The following MGA variants were observed in gnomAD, a reference collection of about 807,000 sequenced individuals.
The protein encoded by MGA is MAX gene-associated protein.
MGA carries 40 observed loss-of-function variants against 261.1 expected under a neutral mutation model. The observed-to-expected ratio is 0.15, with a 90% CI of 0.12 to 0.20. The LOEUF (loss-of-function observed/expected upper bound fraction) is 0.20, where lower values mean the gene tolerates loss of function less well. Ranked by LOEUF, MGA falls within the 10% of genes least tolerant of loss-of-function variation. MGA has a pLI of 1.00. For synonymous variants in MGA, 1,302 were observed against 1,290.6 expected (o/e 1.01, Z -0.19); for missense variants, 3,397 against 3,630.5 (o/e 0.94, Z 1.65).
chr15:41,742,153 C>G (rs936773380), intron 14 of MGA, among the ~76,000 whole-genome samples: 1 of 151,420 alleles, frequency 6.6e-6, no homozygotes, highest in African/African-American at 2.4e-5. Context: ...TTGGGAGGCC[C>G]GAGGCAGGCA....
At position 41,750,274 on chromosome 15, in the gene MGA, GACTT is replaced by G; in HGVS notation, c.6672_6675del (p.Leu2225GlufsTer12). ...GTTTCAGCAAGAACAAGGCATCTCT[GACTT>G]ACTTGGAAAAAGTGGAATTACTGAA... is the stretch of plus-strand genomic sequence containing the variant. On this transcript the variant is annotated frameshift_variant, in exon 17 of 24. Coordinates refer to ENST00000219905, the MANE Select transcript of MGA (RefSeq NM_001164273.2). LOFTEE classifies it high-confidence loss of function. 6.2e-7 allele frequency: 1 copy of G among 1,613,960 alleles called. No homozygotes were observed. Among genetic ancestry groups the G allele is most frequent in the Non-Finnish European group, 8.5e-7 (1 of 1,179,892 alleles).
upstream of MGA, among the ~76,000 whole-genome samples, chr15:41,660,087 C>A (rs549025258): frequency 6.6e-6 from 1 of 152,374 alleles, no homozygotes; most frequent in East Asian, 1.9e-4. Flanking sequence ...GTGAAAGGCA[C>A]AGTTGAGAAA....
intron 17 of MGA, 95 bp downstream of exon 17, chr15:41,750,710 C>A: frequency 8.7e-7 from 1 of 1,144,958 alleles, no homozygotes; most frequent in South Asian, 1.7e-5. Context: ...AGGCATAATA[C>A]ATTTAATTGG....
At chr15:41,711,735 GC>G (rs1290091078) in intron 8 of MGA, among the ~76,000 whole-genome samples, 1 of 152,080 alleles carries the variant, frequency 6.6e-6, no homozygotes, top group Non-Finnish European at 1.5e-5. Flanking sequence ...TCGCTCTGTT[GC>G]CCAGGCTGGA....
chr15:41,763,948 A>G (rs2063647710), intron 22 of MGA, among the ~76,000 whole-genome samples: 1 of 152,002 alleles, frequency 6.6e-6, no homozygotes, highest in Non-Finnish European at 1.5e-5. Context: ...GCTTGCACTC[A>G]GGAATTTGAG....
intron 2 of MGA, among the ~76,000 whole-genome samples, chr15:41,685,637 CTTTAA>C (rs1350859597): frequency 6.6e-6 from 1 of 152,126 alleles, no homozygotes; most frequent in Admixed American, 6.6e-5. Context: ...TCTTTTCAGT[CTTTAA>C]TTAAACTTAT....
At chr15:41,763,712 C>T (rs1445543698) in intron 22 of MGA, among the ~76,000 whole-genome samples, 1 of 151,592 alleles carries the variant, frequency 6.6e-6, no homozygotes, top group Non-Finnish European at 1.5e-5. Context: ...CATTGCATTC[C>T]AGCCTGGGCA....
chr15:41,767,614 C>T lies in MGA; in HGVS notation c.*334C>T, dbSNP rs367587337. The T allele has an allele frequency of 7.1e-6, 2 of 282,910 alleles. No homozygotes were observed. Among genetic ancestry groups the T allele is most frequent in the East Asian group, 6.6e-5 (1 of 15,040 alleles). 17.5% of individuals were successfully genotyped at this position (282,910 alleles called of 1,614,324 possible). On this transcript the variant is annotated 3_prime_UTR_variant, in exon 24 of 24. Coordinates refer to ENST00000219905, the MANE Select transcript of MGA (RefSeq NM_001164273.2). The stretch of plus-strand genomic sequence containing the variant: ...CCACAGTGGTTTCTAGTTCTTCCCC[C>T]ACAAGCGAAAGAGCTGTTTGCAACT...
intron 1 of MGA, among the ~76,000 whole-genome samples, chr15:41,623,775 A>T (rs367697507): frequency 0.012 from 1,333 of 110,692 alleles, 29 homozygotes; most frequent in African/African-American, 0.04. Context: ...ATATATATAT[A>T]TTTTTTTTTT....
At position 41,769,891 on chromosome 15, in the gene MGA, A is replaced by C. The variant is rs2063959857; in HGVS notation, c.*2611A>C. The stretch of plus-strand genomic sequence containing the variant: ...TCTAAGAACAGAAGTTTGGTGATTG[A>C]AAGGTAGAATATATAAACCTGAAAT... On this transcript the variant is annotated 3_prime_UTR_variant, in exon 24 of 24. Transcript: ENST00000219905. 1 of 152,644 alleles carries C rather than the reference A, an allele frequency of 6.6e-6. No homozygotes were observed. Among genetic ancestry groups the C allele is most frequent in the Non-Finnish European group, 1.5e-5 (1 of 68,042 alleles). 9.5% of individuals were successfully genotyped at this position (152,644 alleles called of 1,614,324 possible). A position where few individuals can be genotyped will look rare whatever the true frequency, so the allele number is the denominator to read the frequency against.
chr15:41,734,701 C>A, intron 12 of MGA, 107 bp downstream of exon 12: 1 of 870,590 alleles, frequency 1.1e-6, no homozygotes, highest in South Asian at 2.0e-5. Context: ...TGTCTGCCTA[C>A]CCTGTTTCAA....
upstream of MGA, among the ~76,000 whole-genome samples, chr15:41,659,660 C>T (rs1231341648): frequency 1.3e-5 from 2 of 152,220 alleles, no homozygotes; most frequent in African/African-American, 4.8e-5. Context: ...ACTTTCTTTG[C>T]ACCTCATAGC....
Position 41,768,467 on chromosome 15 carries a change from A to G in MGA, c.*1187A>G, listed in dbSNP as rs1415529356. 6.6e-6 allele frequency: 1 copy of G among 152,644 alleles called. No individual in the cohort carries two copies. Among genetic ancestry groups the G allele is most frequent in the Non-Finnish European group, 1.5e-5 (1 of 68,046 alleles). The allele number at this position is 152,644 out of a possible 1,614,324, so 9.5% of individuals were successfully genotyped here. On this transcript the variant is annotated 3_prime_UTR_variant, in exon 24 of 24. Coordinates refer to ENST00000219905, the MANE Select transcript of MGA (RefSeq NM_001164273.2). Reference sequence around the variant, plus strand: ...CTAGAAGATGAGATTTGTATTGAGTATAGAAATGATGTTTCCTATCTAGTT... The same window carrying G: ...CTAGAAGATGAGATTTGTATTGAGTGTAGAAATGATGTTTCCTATCTAGTT...
chr15:41,750,728 G>A (rs531867682), intron 17 of MGA, 113 bp downstream of exon 17: 2 of 975,826 alleles, frequency 2.0e-6, no homozygotes, highest in Non-Finnish European at 2.9e-6. Flanking sequence ...TGGATGCCTA[G>A]GTTTAAGATT....
chr15:41,739,846 GGA>G, intron 13 of MGA, 58 bp from the exon 14 acceptor site: 2 of 1,531,210 alleles, frequency 1.3e-6, no homozygotes, highest in Non-Finnish European at 1.8e-6. Flanking sequence ...CCCTGTCAAG[GGA>G]GAGGAGTTAG....
Position 41,769,457 on chromosome 15 carries a change from C to G in MGA, c.*2177C>G, listed in dbSNP as rs1472130726. 6.6e-6 allele frequency: 1 copy of G among 152,090 alleles called. No homozygotes were observed. Among genetic ancestry groups the G allele is most frequent in the African/African-American group, 2.4e-5 (1 of 41,394 alleles). 9.4% of individuals were successfully genotyped at this position (152,090 alleles called of 1,614,324 possible). A position where few individuals can be genotyped will look rare whatever the true frequency, so the allele number is the denominator to read the frequency against. On this transcript the variant is annotated 3_prime_UTR_variant, in exon 24 of 24. Coordinates refer to ENST00000219905, the MANE Select transcript of MGA (RefSeq NM_001164273.2). ...AGGCTGCAGATACCATTCTAACCCC[C>G]AAGATACTGTGTTCTCAAGACCTCT...
chr15:41,711,053 T>C lies in MGA; in HGVS notation c.2788T>C (p.Ser930Pro). The C allele has an allele frequency of 1.2e-6, 2 of 1,614,014 alleles. No homozygotes were observed. The highest frequency in any genetic ancestry group is 1.7e-6 in the Non-Finnish European group (2 of 1,179,892). The stretch of plus-strand genomic sequence containing the variant: ...CCCTGTTTCACCAAAGCAGAAATAC[T>C]CTCATGTGATTCTAGGAGATAAGGT... The change falls in exon 8 of 24, where the codon TCT becomes CCT. Residue 930 changes from serine (S) to proline (P), a missense_variant. This residue lies in a region of MGA where 519 missense variants were observed against 554.1 expected (regional missense o/e 0.94). Coordinates refer to ENST00000219905, the MANE Select transcript of MGA (RefSeq NM_001164273.2).
intron 1 of MGA, among the ~76,000 whole-genome samples, chr15:41,666,700 T>G (rs1255604332): frequency 6.6e-6 from 1 of 152,248 alleles, no homozygotes; most frequent in Non-Finnish European, 1.5e-5. Context: ...AGCTTATACA[T>G]TCTCTTTTGT....
At chr15:41,734,368 A>G (rs913523811) in intron 11 of MGA, among the ~76,000 whole-genome samples, 154 bp from the exon 12 acceptor site, 1 of 152,252 alleles carries the variant, frequency 6.6e-6, no homozygotes, top group Admixed American at 6.5e-5. Context: ...TTTATATGAT[A>G]GTAACGTAGA....
Sources: gnomAD v4.1 joint callset for allele counts (sites outside exome capture counted in the v4.1 genomes callset) on GRCh38, gnomAD v4.1.1 for gene constraint, gnomAD v4.1.1 regional missense constraint, MANE v1.5 for transcripts, NCBI Gene and HGNC (gene_info 2026-07-23, HGNC 2026-07-21) for gene names.